The following PYCR1 variants were observed in gnomAD, a reference collection of about 807,000 sequenced individuals.
PYCR1 encodes pyrroline-5-carboxylate reductase 1, also known as pyrroline-5-carboxylate reductase 1, mitochondrial.
Under a neutral mutation model 22.9 loss-of-function variants are expected in PYCR1, and 19 were observed. The observed-to-expected ratio is 0.83, with a 90% CI of 0.58 to 1.22. The LOEUF is 1.22. PYCR1 is among the 50% of genes most tolerant of loss of function. The pLI, the probability that PYCR1 is intolerant of heterozygous loss-of-function variation, is 0.00. For missense variants in PYCR1, 429 were observed against 431.3 expected, an observed-to-expected ratio of 0.99 and a Z score of 0.05; for synonymous variants, 175 against 180.5, an observed-to-expected ratio of 0.97 and a Z score of 0.24.
rs774920749 is a variant in PYCR1 at position 81,934,951 on chromosome 17, C to T, written c.515G>A (p.Gly172Glu). Residue 172 changes from glycine (G) to glutamate (E), a missense_variant, in exon 4 of 7, where the codon GGG becomes GAG. Gly to Glu is a moderately conservative substitution (Grantham distance 98, BLOSUM62 -2). Coordinates refer to ENST00000329875, the MANE Select transcript of PYCR1 (RefSeq NM_006907.4). ...GTAGGCGGGGCCGCTGCCACTGAGC[C>T]CCGTGACGGCATCAATCAGGTCCTC... ...VEEDLIDAVT[G>E]LSGSGPAYAF... 7.5e-6 allele frequency: 12 copies of T among 1,609,464 alleles called. No individual in the cohort carries two copies. The highest frequency in any genetic ancestry group is 1.0e-5 in the Non-Finnish European group (12 of 1,179,988).
At chr17:81,934,871 T>G (rs1304998629) in intron 4 of PYCR1, 55 bp downstream of exon 4, 1 of 1,590,868 alleles carries the variant, frequency 6.3e-7, no homozygotes, top group Middle Eastern at 1.7e-4. Context: ...GGGACAGATG[T>G]GCCCGGTGGT....
Position 81,932,583 on chromosome 17 carries a change from G to C in PYCR1, c.*631C>G. ...TGGAAACCAACTTATAAAACTGAAA[G>C]GGCCAGGACAGAACTGATAGCACCC... is the stretch of plus-strand genomic sequence containing the variant. On this transcript the variant is annotated 3_prime_UTR_variant, in exon 7 of 7. Transcript: ENST00000329875. 2 of 445,416 alleles carry C rather than the reference G, an allele frequency of 4.5e-6. No homozygotes were observed. The highest frequency in any genetic ancestry group is 8.4e-6 in the Non-Finnish European group (2 of 238,844). 27.6% of individuals were successfully genotyped at this position (445,416 alleles called of 1,614,324 possible).
chr17:81,933,345 C>G lies in PYCR1; in HGVS notation c.829G>C (p.Val277Leu). 1 of 1,613,880 alleles carries G rather than the reference C, an allele frequency of 6.2e-7. No individual in the cohort carries two copies. Among genetic ancestry groups the G allele is most frequent in the South Asian group, 1.1e-5 (1 of 91,088 alleles). The part of the protein sequence containing the change: ...ELQSMADQEQ[V>L]SPAAIKKTIL... ...GTCTTCTTGATGGCGGCTGGTGACA[C>G]CTGCTCCTGGTCAGCCATGGACTGC... is the stretch of plus-strand genomic sequence containing the variant. Residue 277 changes from valine to leucine, a missense_variant, in exon 7 of 7, where the codon GTG becomes CTG. By Grantham distance (32) the Val-to-Leu change is conservative. Coordinates refer to ENST00000329875, the MANE Select transcript of PYCR1 (RefSeq NM_006907.4).
At chr17:81,934,790 C>T in intron 4 of PYCR1, 45 bp from the exon 5 acceptor site, 1 of 1,538,774 alleles carries the variant, frequency 6.5e-7, no homozygotes, top group Non-Finnish European at 8.8e-7. Flanking sequence ...GGCTTCTCCT[C>T]CTTCCCTTCT....
In PYCR1 at chr17:81,934,432, C is replaced by CGA; in HGVS notation, c.690_691insTC (p.Val231SerfsTer61). 6.2e-7 allele frequency: 1 copy of CGA among 1,611,042 alleles called. No individual in the cohort carries two copies. Among genetic ancestry groups the CGA allele is most frequent in the Non-Finnish European group, 8.5e-7 (1 of 1,179,390 alleles). On this transcript the variant is annotated frameshift_variant, in exon 6 of 7. Transcript: ENST00000329875. LOFTEE classifies it high-confidence loss of function. Reference sequence around the variant, plus strand: ...ATGGTGGCCCCACCAGGAGAGCTGACGTTGTCCTTGAGCTGGCCTGGGTGC... The same window carrying CGA: ...ATGGTGGCCCCACCAGGAGAGCTGACGAGTTGTCCTTGAGCTGGCCTGGGTGC...
chr17:81,934,923 T>TA lies in PYCR1; in HGVS notation c.540+2dup, dbSNP rs1261437337. 3 of 1,609,624 alleles carry TA rather than the reference T, an allele frequency of 1.9e-6. No individual in the cohort carries two copies. The highest frequency in any genetic ancestry group is 2.5e-6 in the Non-Finnish European group (3 of 1,179,838). ...CGCCGCCAGCTTCCCCCGCAGTCCT[T>TA]ACGTAGGCGGGGCCGCTGCCACTGA... On this transcript the variant is annotated splice_region_variant and intron_variant, in intron 4 of 6. Coordinates refer to ENST00000329875, the MANE Select transcript of PYCR1 (RefSeq NM_006907.4).
Position 81,936,810 on chromosome 17 carries a change from C to G in PYCR1, c.5G>C (p.Ser2Thr), listed in dbSNP as rs781193717. 6.2e-7 allele frequency: 1 copy of G among 1,609,100 alleles called. No individual in the cohort carries two copies. Among genetic ancestry groups the G allele is most frequent in the Non-Finnish European group, 8.5e-7 (1 of 1,178,630 alleles). Residue 2 changes from serine (S) to threonine (T), a missense_variant, in exon 1 of 7, where the codon AGC becomes ACC. Transcript: ENST00000329875. ...CTGGCCAGCGCCGATGAAGCCCACG[C>G]TCATGCTGTCCGGAGACCCCTGGCC... MSVGFIGAGQLA... is the reference protein window; with the variant it reads MTVGFIGAGQLA...
Position 81,935,360 on chromosome 17 carries a change from C to G in PYCR1, c.295G>C (p.Val99Leu). The G allele has an allele frequency of 6.2e-7, 1 of 1,612,578 alleles. No individual in the cohort carries two copies. Among genetic ancestry groups the G allele is most frequent in the Non-Finnish European group, 8.5e-7 (1 of 1,179,998 alleles). ...ACCTTCTCAATGGAGCTGATGGTGA[C>G]GCCGGCCGCGCAGGACACCACAATG... ...RHIVVSCAAG[V>L]TISSIEKKLS... The change falls in exon 3 of 7, where the codon GTC becomes CTC. Residue 99 changes from valine to leucine, a missense_variant. Physicochemically the swap from Val to Leu is conservative, Grantham distance 32. Transcript: ENST00000329875.
At position 81,934,513 on chromosome 17, in the gene PYCR1, G is replaced by A. The variant is rs756665892; in HGVS notation, c.634-24C>T. Reference sequence around the variant, plus strand: ...CCCTGCAGCCAGAAGAAAGGCTGACGGCTGTGGGCACGCACCTGCCTCTGC... The same window carrying A: ...CCCTGCAGCCAGAAGAAAGGCTGACAGCTGTGGGCACGCACCTGCCTCTGC... On this transcript the variant is annotated intron_variant, in intron 5 of 6. Transcript: ENST00000329875. 5.1e-6 allele frequency: 8 copies of A among 1,581,584 alleles called. No homozygotes were observed. The Admixed American group carries it at 5.6e-5, about 11-fold the overall frequency.
chr17:81,934,551 C>T, intron 5 of PYCR1, 62 bp from the exon 6 acceptor site: 1 of 1,559,638 alleles, frequency 6.4e-7, no homozygotes, highest in Middle Eastern at 1.7e-4. Context: ...GGCACTGCCC[C>T]AGCCACTGTA....
rs2041152398 is a variant in PYCR1, at chr17:81,935,326, T to G, written c.318+11A>C. Reference sequence around the variant, plus strand: ...GCCCCTCTCCACACCCCACTGGGCCTGCGGTGCTACCTTCTCAATGGAGCT... The same window carrying G: ...GCCCCTCTCCACACCCCACTGGGCCGGCGGTGCTACCTTCTCAATGGAGCT... On this transcript the variant is annotated intron_variant, in intron 3 of 6. Transcript: ENST00000329875. 6.2e-7 allele frequency: 1 copy of G among 1,611,240 alleles called. No individual in the cohort carries two copies. The highest frequency in any genetic ancestry group is 1.1e-5 in the South Asian group (1 of 90,994).
chr17:81,933,380 G>A lies in PYCR1; in HGVS notation c.798-4C>T, dbSNP rs1265069029. The A allele has an allele frequency of 6.2e-7, 1 of 1,613,460 alleles. No individual in the cohort carries two copies. Among genetic ancestry groups the A allele is most frequent in the Non-Finnish European group, 8.5e-7 (1 of 1,179,924 alleles). On this transcript the variant is annotated splice_region_variant and splice_polypyrimidine_tract_variant and intron_variant, in intron 6 of 6. Coordinates refer to ENST00000329875, the MANE Select transcript of PYCR1 (RefSeq NM_006907.4). ...GTCAGCCATGGACTGCAGCTCCCTA[G>A]AGAGGCAGGGAGAGGTTGGCTTTGG... is the stretch of plus-strand genomic sequence containing the variant.
At chr17:81,934,196 G>A (rs1383864193) in intron 6 of PYCR1, 130 bp downstream of exon 6, 11 of 1,409,780 alleles carry the variant, frequency 7.8e-6, no homozygotes, top group Admixed American at 5.9e-5. Flanking sequence ...GGGGCCCCCT[G>A]TGTCCTGCGC....
Position 81,935,457 on chromosome 17 carries a change from G to C in PYCR1, c.198C>G (p.Leu66=). ...TGATGTGTGGCTTCACAGCCAGGAA[G>C]AGCACATCACTGTGCTGCACCGTCT... ...NKETVQHSDV[L]FLAVKPHIIP... is the part of the protein sequence containing the mutation. The change falls in exon 3 of 7, where the codon CTC becomes CTG. Residue 66 remains leucine (L), a synonymous_variant. Coordinates refer to ENST00000329875, the MANE Select transcript of PYCR1 (RefSeq NM_006907.4). 1 of 1,613,396 alleles carries C rather than the reference G, an allele frequency of 6.2e-7. No homozygotes were observed. Among genetic ancestry groups the C allele is most frequent in the East Asian group, 2.2e-5 (1 of 44,870 alleles).
chr17:81,935,239 C>T, intron 3 of PYCR1, 92 bp from the exon 4 acceptor site: 3 of 1,572,124 alleles, frequency 1.9e-6, no homozygotes, highest in Non-Finnish European at 1.7e-6. Flanking sequence ...TCCCAGTGGG[C>T]CGGGACGCTG....
chr17:81,933,399 G>A, intron 6 of PYCR1, 23 bp from the exon 7 acceptor site: 1 of 1,612,864 alleles, frequency 6.2e-7, no homozygotes, highest in Non-Finnish European at 8.5e-7. Context: ...GGAGAGGTTG[G>A]CTTTGGAGCA....
intron 2 of PYCR1, 60 bp downstream of exon 2, chr17:81,936,063 G>A: frequency 1.9e-6 from 3 of 1,581,246 alleles, no homozygotes; most frequent in Non-Finnish European, 2.6e-6. Flanking sequence ...ACACACTCCT[G>A]CCTCTCACAC....
In PYCR1 at chr17:81,937,095, G is replaced by A; in HGVS notation, c.-281C>T. On this transcript the variant is annotated 5_prime_UTR_variant, in exon 1 of 7. Transcript: ENST00000329875. ...GAGGTTCCGCAGAAGAAATGACTGG[G>A]AAGGGGGAAAAGTACGGGGAGAGGG... The A allele has an allele frequency of 7.0e-7, 1 of 1,430,762 alleles. No individual in the cohort carries two copies. Among genetic ancestry groups the A allele is most frequent in the South Asian group, 1.5e-5 (1 of 67,520 alleles). The allele number at this position is 1,430,762 out of a possible 1,614,324, so 88.6% of individuals were successfully genotyped here. A position where few individuals can be genotyped will look rare whatever the true frequency, so the allele number is the denominator to read the frequency against.
At position 81,933,127 on chromosome 17, in the gene PYCR1, G is replaced by T. The variant is rs1598351827; in HGVS notation, c.*87C>A. 5 of 1,605,576 alleles carry T rather than the reference G, an allele frequency of 3.1e-6. No individual in the cohort carries two copies. The East Asian group carries it at 1.1e-4, about 36-fold the overall frequency. On this transcript the variant is annotated 3_prime_UTR_variant, in exon 7 of 7. Coordinates refer to ENST00000329875, the MANE Select transcript of PYCR1 (RefSeq NM_006907.4). ...GGCCCCTGCGCTGATCAGAGCCACAGAAAGTGGGCCACTTTGGGGACCCCC... is the reference window on the plus strand; with the variant it reads ...GGCCCCTGCGCTGATCAGAGCCACATAAAGTGGGCCACTTTGGGGACCCCC...
Sources: gnomAD v4.1 joint callset for allele counts on GRCh38, gnomAD v4.1.1 for gene constraint, MANE v1.5 for transcripts, NCBI Gene and HGNC (gene_info 2026-07-23, HGNC 2026-07-21) for gene names.